Variants in NFATC3 observed in about 807,000 individuals in gnomAD.
NFATC3 encodes the protein nuclear factor of activated T cells 3.
NFATC3 carries 46 observed loss-of-function variants against 98.6 expected under a neutral mutation model. The observed-to-expected ratio is 0.47, with a 90% CI of 0.37 to 0.60. The LOEUF (loss-of-function observed/expected upper bound fraction) is 0.60, where lower values mean the gene tolerates loss of function less well. Among genes scored for constraint, NFATC3 ranks in the 20% least tolerant of loss-of-function variants. The pLI is 0.00. For missense variants in NFATC3, 1,256 were observed against 1,295.5 expected (o/e 0.97, Z 0.47); for synonymous variants, 512 against 472.2 (o/e 1.08, Z -1.09).
intron 1 of NFATC3, among the ~76,000 whole-genome samples, chr16:68,102,287 G>A (rs565867943): frequency 2.1e-5 from 3 of 145,742 alleles, no homozygotes; most frequent in South Asian, 2.2e-4. Flanking sequence ...CAGGAGAATC[G>A]CTTGAACCCA....
At chr16:68,111,832 C>T (rs1459542553) in intron 1 of NFATC3, among the ~76,000 whole-genome samples, 1 of 152,088 alleles carries the variant, frequency 6.6e-6, no homozygotes, top group African/African-American at 2.4e-5. Context: ...TGCTGAATTC[C>T]CTCATTATTT....
chr16:68,163,504 C>G (rs1036426335), intron 4 of NFATC3, among the ~76,000 whole-genome samples: 54 of 151,812 alleles, frequency 3.6e-4, no homozygotes, highest in African/African-American at 1.2e-3. Context: ...CTGACCCCCC[C>G]ACTTCCCTCC....
Position 68,202,832 on chromosome 16 carries a change from T to TA in NFATC3, c.3106+11066dup, listed in dbSNP as rs538945122. On this transcript the variant is annotated intron_variant, in intron 9 of 9. Coordinates refer to ENST00000346183, the MANE Select transcript of NFATC3 (RefSeq NM_173165.3). Reference sequence around the variant, plus strand: ...CATCTCAAAATAAATAAATAAATAATAAAAAAAAATAAATAAATAAAATTA... The same window carrying TA: ...CATCTCAAAATAAATAAATAAATAATAAAAAAAAAATAAATAAATAAAATTA... Among the ~76,000 whole-genome samples, 1,258 of 149,796 alleles carry TA rather than the reference T, an allele frequency of 8.4e-3. 19 individuals are homozygous for TA. Among genetic ancestry groups the TA allele is most frequent in the African/African-American group, 0.029 (1,179 of 40,846 alleles).
At chr16:68,169,905 C>T (rs1287581717) in intron 5 of NFATC3, among the ~76,000 whole-genome samples, 4 of 151,786 alleles carry the variant, frequency 2.6e-5, no homozygotes, top group African/African-American at 7.3e-5. Flanking sequence ...CACGCCATTG[C>T]ACTCCAGACT....
intron 8 of NFATC3, among the ~76,000 whole-genome samples, chr16:68,190,046 C>CA (rs908172414): frequency 2.0e-5 from 3 of 151,448 alleles, no homozygotes; most frequent in East Asian, 1.9e-4. Context: ...TTCCCAAAAA[C>CA]AAAAAAAAGA....
rs758286154 is a variant in NFATC3 at position 68,190,945 on chromosome 16, T to C, written c.2276T>C (p.Val759Ala). 25 of 1,614,196 alleles carry C rather than the reference T, an allele frequency of 1.5e-5. No homozygotes were observed. In the African/African-American group the frequency reaches 3.2e-4, roughly 21 times the overall value. Residue 759 changes from valine (V) to alanine (A), a missense_variant, in exon 9 of 10, where the codon GTG becomes GCG. Physicochemically the swap from Val to Ala is moderately conservative, Grantham distance 64. Transcript: ENST00000346183. ...ATCCCACAAACATATGCATCCATGGTGACCTCATCCCATCTGCCACAGTTG... is the reference window on the plus strand; with the variant it reads ...ATCCCACAAACATATGCATCCATGGCGACCTCATCCCATCTGCCACAGTTG... The part of the protein sequence containing the change: ...CSIPQTYASM[V>A]TSSHLPQLQC...
intron 1 of NFATC3, among the ~76,000 whole-genome samples, chr16:68,098,557 C>T (rs2035169645): frequency 6.6e-6 from 1 of 152,090 alleles, no homozygotes; most frequent in Non-Finnish European, 1.5e-5. Flanking sequence ...GCCTCAGCGT[C>T]CCAAAGTGTT....
intron 3 of NFATC3, among the ~76,000 whole-genome samples, chr16:68,157,365 T>C (rs952026958): frequency 2.6e-5 from 4 of 152,226 alleles, no homozygotes; most frequent in Non-Finnish European, 4.4e-5. Context: ...ATTTCAGTTT[T>C]AGCCTTAGCT....
At position 68,157,889 on chromosome 16, in the gene NFATC3, G is replaced by A. The variant is rs780055283; in HGVS notation, c.1422G>A (p.Lys474=). The A allele has an allele frequency of 1.9e-6, 3 of 1,613,300 alleles. No homozygotes were observed. The highest frequency in any genetic ancestry group is 1.1e-5 in the South Asian group (1 of 90,860). The change falls in exon 4 of 10, where the codon AAG becomes AAA. Residue 474 remains lysine (K), a synonymous_variant. Transcript: ENST00000346183. ...ATTAGCTCCTGGGCTATAACGAAAA[G>A]CCAATAAATCTACAAATGTTTATTG... is the stretch of plus-strand genomic sequence containing the variant. ...PVVKLLGYNE[K]PINLQMFIGT...
At chr16:68,140,701 AAAG>A (rs2037707131) in intron 3 of NFATC3, among the ~76,000 whole-genome samples, 1 of 152,228 alleles carries the variant, frequency 6.6e-6, no homozygotes, top group Non-Finnish European at 1.5e-5. Context: ...GAAATAAAAA[AAAG>A]GAGTATTTTA....
At chr16:68,213,642 A>T (rs1388234593) in intron 9 of NFATC3, among the ~76,000 whole-genome samples, 1 of 152,060 alleles carries the variant, frequency 6.6e-6, no homozygotes, top group Admixed American at 6.6e-5. Flanking sequence ...CACCTGGCCA[A>T]CATGGTTGAA....
At chr16:68,123,659 A>T (rs118005841) in intron 2 of NFATC3, among the ~76,000 whole-genome samples, 17,948 of 151,962 alleles carry the variant, frequency 0.12, 1,190 homozygotes, top group South Asian at 0.2. Context: ...CAAAAAAAAA[A>T]AGTTTATTGT....
At chr16:68,126,408 A>G in intron 2 of NFATC3, 40 bp from the exon 3 acceptor site, 1 of 1,572,680 alleles carries the variant, frequency 6.4e-7, no homozygotes, top group Middle Eastern at 1.8e-4. Flanking sequence ...CTTGGCAATA[A>G]TAGCATGGTG....
intron 5 of NFATC3, among the ~76,000 whole-genome samples, chr16:68,169,981 G>A (rs2039381593): frequency 6.6e-6 from 1 of 152,084 alleles, no homozygotes; most frequent in Admixed American, 6.6e-5. Context: ...AGAAAGGTGG[G>A]ATGTAGAGAA....
At chr16:68,219,521 C>A (rs1017106737) in intron 9 of NFATC3, among the ~76,000 whole-genome samples, 10 of 152,056 alleles carry the variant, frequency 6.6e-5, no homozygotes, top group Non-Finnish European at 1.5e-4. Flanking sequence ...GAGCTATGAT[C>A]ACACCACTTC....
intron 1 of NFATC3, among the ~76,000 whole-genome samples, chr16:68,096,443 C>T (rs989875919): frequency 1.3e-5 from 2 of 152,156 alleles, no homozygotes; most frequent in African/African-American, 4.8e-5. Context: ...AGAAAGTCCT[C>T]TTCCATTAAG....
At chr16:68,138,727 A>G in intron 3 of NFATC3, 1 of 1,288,968 alleles carries the variant, frequency 7.8e-7, no homozygotes, top group African/African-American at 1.5e-5. Context: ...CTGGCTGGGC[A>G]GCCTTTCCTC....
intron 9 of NFATC3, among the ~76,000 whole-genome samples, chr16:68,218,322 C>T (rs2041713275): frequency 6.6e-6 from 1 of 151,598 alleles, no homozygotes; most frequent in Non-Finnish European, 1.5e-5. Context: ...TGCCTGTTAT[C>T]CCAGCACTTT....
chr16:68,127,763 G>A (rs117407655), intron 3 of NFATC3, among the ~76,000 whole-genome samples: 1 of 151,508 alleles, frequency 6.6e-6, no homozygotes, highest in Non-Finnish European at 1.5e-5. Flanking sequence ...ATTGAGAGAT[G>A]AAGTTATTGT....
Sources: gnomAD v4.1 joint callset for allele counts (sites outside exome capture counted in the v4.1 genomes callset) on GRCh38, gnomAD v4.1.1 for gene constraint, MANE v1.5 for transcripts, NCBI Gene and HGNC (gene_info 2026-07-23, HGNC 2026-07-21) for gene names.